ACVR1: variants seen among roughly 807,000 people sequenced by gnomAD.
The protein encoded by ACVR1 is activin receptor type-1.
ACVR1 carries 38 observed loss-of-function variants against 57.1 expected under a neutral mutation model. The ratio of observed to expected loss-of-function variants is 0.67; its 90% CI spans 0.51 to 0.87. The LOEUF is 0.87. Among genes scored for constraint, ACVR1 ranks in the 40% least tolerant of loss-of-function variants. The pLI is 0.00. For synonymous variants in ACVR1, 212 were observed against 228.1 expected (o/e 0.93, Z 0.63); for missense variants, 463 against 638.2 (o/e 0.73, Z 2.96).
At chr2:157,758,059 A>C (rs1222878479) in intron 9 of ACVR1, among the ~76,000 whole-genome samples, 2 of 152,116 alleles carry the variant, frequency 1.3e-5, no homozygotes, top group South Asian at 2.1e-4. Flanking sequence ...TAAAAACAAG[A>C]CCCAACTACA....
intron 3 of ACVR1, among the ~76,000 whole-genome samples, chr2:157,784,047 G>C (rs1263532845): frequency 6.6e-6 from 1 of 152,180 alleles, no homozygotes; most frequent in Non-Finnish European, 1.5e-5. Context: ...TTTAAAGCAA[G>C]GTAGTAATAG....
chr2:157,870,135 GTTC>G (rs1199186970), intron 1 of ACVR1, among the ~76,000 whole-genome samples: 3 of 152,144 alleles, frequency 2.0e-5, no homozygotes, highest in Non-Finnish European at 4.4e-5. Context: ...TTTTTCTCAA[GTTC>G]TTCTTATTGC....
At chr2:157,780,854 G>A (rs952165819) in intron 3 of ACVR1, among the ~76,000 whole-genome samples, 2 of 152,072 alleles carry the variant, frequency 1.3e-5, no homozygotes, top group Non-Finnish European at 2.9e-5. Context: ...ACAAAGACTG[G>A]CTATCATCTG....
chr2:157,739,754 C>T (rs1428287151), intron 9 of ACVR1, among the ~76,000 whole-genome samples: 1 of 152,158 alleles, frequency 6.6e-6, no homozygotes, highest in African/African-American at 2.4e-5. Context: ...AAATTCCATA[C>T]AAATACAAAC....
chr2:157,737,588 G>A lies in ACVR1; in HGVS notation c.1473C>T (p.Ile491=). The change falls in exon 11 of 11, where the codon ATC becomes ATT. Residue 491 remains isoleucine, a synonymous_variant. Coordinates refer to ENST00000434821, the MANE Select transcript of ACVR1 (RefSeq NM_001111067.4). ...NPSARLTALR[I]KKTLTKIDNS... ...TATCAATTTTGGTCAAAGTCTTTTT[G>A]ATACGCAGTGCTGTGAGTCTTGCGG... is the stretch of plus-strand genomic sequence containing the variant. 1 of 1,614,032 alleles carries A rather than the reference G, an allele frequency of 6.2e-7. No individual in the cohort carries two copies. The highest frequency in any genetic ancestry group is 8.5e-7 in the Non-Finnish European group (1 of 1,179,936).
At chr2:157,852,953 G>T (rs76067177) in intron 1 of ACVR1, among the ~76,000 whole-genome samples, 4,380 of 152,230 alleles carry the variant, frequency 0.029, 206 homozygotes, top group African/African-American at 0.098. Flanking sequence ...TTAATAAAAG[G>T]TAGGATGTGG....
At chr2:157,848,194 C>A (rs547163924) in intron 1 of ACVR1, among the ~76,000 whole-genome samples, 1 of 152,148 alleles carries the variant, frequency 6.6e-6, no homozygotes, top group Non-Finnish European at 1.5e-5. Context: ...GGATCTATAT[C>A]TCCTTCTCTT....
chr2:157,825,957 C>T (rs889672229), intron 1 of ACVR1, among the ~76,000 whole-genome samples: 4 of 152,180 alleles, frequency 2.6e-5, no homozygotes, highest in Non-Finnish European at 1.5e-5. Flanking sequence ...TCAGCTTTCA[C>T]GTGTGTACAC....
chr2:157,848,269 GA>G (rs1227766007), intron 1 of ACVR1, among the ~76,000 whole-genome samples: 1 of 152,158 alleles, frequency 6.6e-6, no homozygotes, highest in Non-Finnish European at 1.5e-5. Context: ...ACAGCTTCCA[GA>G]ACCAGATCTT....
intron 9 of ACVR1, among the ~76,000 whole-genome samples, chr2:157,757,368 GATAA>G (rs951063410): frequency 2.0e-5 from 3 of 151,772 alleles, no homozygotes; most frequent in African/African-American, 4.8e-5. Context: ...TCTTTCAAGA[GATAA>G]ATAGACATCC....
chr2:157,746,904 C>T (rs1013860389), intron 9 of ACVR1, among the ~76,000 whole-genome samples: 1 of 152,186 alleles, frequency 6.6e-6, no homozygotes, highest in African/African-American at 2.4e-5. Context: ...CAAAAATGGA[C>T]TTAACTCTCA....
intron 9 of ACVR1, among the ~76,000 whole-genome samples, chr2:157,758,867 A>G (rs1175517843): frequency 6.6e-6 from 1 of 152,078 alleles, no homozygotes; most frequent in African/African-American, 2.4e-5. Context: ...AAACACATGG[A>G]AATTCAAAAA....
chr2:157,829,191 G>T (rs141960785), intron 1 of ACVR1, among the ~76,000 whole-genome samples: 4 of 152,250 alleles, frequency 2.6e-5, no homozygotes, highest in African/African-American at 9.6e-5. Flanking sequence ...GTCTCTCAAG[G>T]GAGCAAAAGA....
intron 1 of ACVR1, chr2:157,875,386 C>CTA (rs777289174): frequency 4.6e-5 from 7 of 152,728 alleles, no homozygotes; most frequent in Non-Finnish European, 1.0e-4. Context: ...ATTCGCCTAT[C>CTA]TATCTCCTTA....
At chr2:157,767,117 C>T (rs1009358277) in intron 7 of ACVR1, among the ~76,000 whole-genome samples, 27 of 152,110 alleles carry the variant, frequency 1.8e-4, no homozygotes, top group African/African-American at 6.3e-4. Flanking sequence ...CTGCAACCAC[C>T]GCCTCCTGGG....
intron 5 of ACVR1, 78 bp downstream of exon 5, chr2:157,778,053 G>A (rs1686357777): frequency 6.9e-7 from 1 of 1,458,594 alleles, no homozygotes; most frequent in Non-Finnish European, 9.6e-7. Flanking sequence ...TTACTGGTTA[G>A]CGTTTCATGC....
At chr2:157,824,715 T>A (rs921485126) in intron 1 of ACVR1, among the ~76,000 whole-genome samples, 1 of 151,890 alleles carries the variant, frequency 6.6e-6, no homozygotes, top group African/African-American at 2.4e-5. Context: ...CAGACACACA[T>A]GCACTCCTCA....
chr2:157,802,592 G>A (rs1381565939), intron 2 of ACVR1, among the ~76,000 whole-genome samples: 1 of 151,884 alleles, frequency 6.6e-6, no homozygotes, highest in African/African-American at 2.4e-5. Flanking sequence ...CCCTATGATT[G>A]GGCCCTTCTT....
rs192810661 is a variant in ACVR1 at position 157,762,677 on chromosome 2, T to C, written c.1067-1600A>G. The stretch of plus-strand genomic sequence containing the variant: ...CTTGAGTGTATGCTGGACTATTGAA[T>C]AGACTATGGCATAAGTGACAGTGGG... On this transcript the variant is annotated intron_variant, in intron 8 of 10. Coordinates refer to ENST00000434821, the MANE Select transcript of ACVR1 (RefSeq NM_001111067.4). Among the ~76,000 whole-genome samples, 554 of 152,330 alleles carry C rather than the reference T, an allele frequency of 3.6e-3. 6 individuals are homozygous for C. Among genetic ancestry groups the C allele is most frequent in the African/African-American group, 0.013 (523 of 41,572 alleles).
Sources: gnomAD v4.1 joint callset for allele counts (sites outside exome capture counted in the v4.1 genomes callset) on GRCh38, gnomAD v4.1.1 for gene constraint, MANE v1.5 for transcripts, NCBI Gene and HGNC (gene_info 2026-07-23, HGNC 2026-07-21) for gene names.